The following FAT1 variants were observed in gnomAD, a reference collection of about 807,000 sequenced individuals.
The protein encoded by FAT1 is FAT atypical cadherin 1.
In FAT1, 171 loss-of-function variants were observed where a neutral mutation model predicts 329.8. That is an observed-to-expected ratio of 0.52 (90% confidence interval 0.46 to 0.59). The LOEUF (loss-of-function observed/expected upper bound fraction) is 0.59. Ranked by LOEUF, FAT1 falls within the 20% of genes least tolerant of loss-of-function variation. FAT1 has a pLI of 0.00. For missense variants in FAT1, 5,672 were observed against 5,774.4 expected, an observed-to-expected ratio of 0.98 and a Z score of 0.57; for synonymous variants, 2,233 against 2,228.6, an observed-to-expected ratio of 1.00 and a Z score of -0.06.
chr4:186,667,639 T>C (rs916842570), intron 2 of FAT1, among the ~76,000 whole-genome samples: 2 of 152,214 alleles, frequency 1.3e-5, no homozygotes, highest in African/African-American at 4.8e-5. Flanking sequence ...CCGAAGAATC[T>C]TATCTTCTAA....
At chr4:186,614,515 A>G (rs1455927981) in intron 11 of FAT1, among the ~76,000 whole-genome samples, 171 bp from the exon 12 acceptor site, 2 of 152,194 alleles carry the variant, frequency 1.3e-5, no homozygotes, top group African/African-American at 4.8e-5. Flanking sequence ...AACATAAAAC[A>G]CATGTGAAAC....
rs779161684 is a variant in FAT1 at position 186,600,194 on chromosome 4, G to A, written c.11807C>T (p.Thr3936Ile). 1.2e-6 allele frequency: 2 copies of A among 1,614,090 alleles called. No individual in the cohort carries two copies. The highest frequency in any genetic ancestry group is 2.2e-5 in the South Asian group (2 of 91,088). Residue 3936 changes from threonine to isoleucine, a missense_variant, in exon 22 of 27, where the codon ACA becomes ATA. Around this residue, in one of 2 missense-constraint regions of FAT1, gnomAD observed 1,706 missense variants for 1,859.1 expected, o/e 0.92. Coordinates refer to ENST00000441802, the MANE Select transcript of FAT1 (RefSeq NM_005245.4). Reference protein sequence around the residue: ...VLDQVHTASGTAPGTLKTLNL... With the variant: ...VLDQVHTASGIAPGTLKTLNL... The stretch of plus-strand genomic sequence containing the variant: ...CAGGGTTTTCAGAGTCCCTGGGGCT[G>A]TGCCCGATGCAGTATGAACTTGGTC...
At chr4:186,723,987 G>T (rs2276929), upstream of FAT1, 11,035 of 150,376 alleles carry the variant, frequency 0.073, 433 homozygotes, top group Admixed American at 0.11. Flanking sequence ...ACGCAGTCCC[G>T]CCCGGACCCA....
chr4:186,672,101 A>C (rs1441451397), intron 2 of FAT1, among the ~76,000 whole-genome samples: 1 of 152,234 alleles, frequency 6.6e-6, no homozygotes, highest in Non-Finnish European at 1.5e-5. Context: ...ATAAAACATA[A>C]GGAATATGTA....
chr4:186,620,301 C>A lies in FAT1; in HGVS notation c.6285G>T (p.Glu2095Asp), dbSNP rs371810659. The part of the protein sequence containing the change: ...PYYAVVKVDT[E>D]VGHVIRYVTA... ...TGACATAGCGAATGACATGGCCCAC[C>A]TCAGTGTCCACTTTAACAACGGCGT... The change falls in exon 10 of 27, where the codon GAG becomes GAT. Residue 2095 changes from glutamate to aspartate, a missense_variant. By Grantham distance (45) the Glu-to-Asp change is conservative. This residue lies in a region of FAT1 where 3,966 missense variants were observed against 3,915.2 expected (regional missense o/e 1.01). Transcript: ENST00000441802. 66 of 1,613,874 alleles carry A rather than the reference C, an allele frequency of 4.1e-5. No individual in the cohort carries two copies. Among genetic ancestry groups the A allele is most frequent in the Admixed American group, 1.0e-4 (6 of 60,002 alleles).
At chr4:186,590,091 A>T (rs757600016) in intron 26 of FAT1, among the ~76,000 whole-genome samples, 44 of 152,156 alleles carry the variant, frequency 2.9e-4, no homozygotes, top group Non-Finnish European at 6.3e-4. Flanking sequence ...AAGGACTGTG[A>T]TCCTTTTAGA....
chr4:186,699,276 A>C (rs999800149), intron 2 of FAT1, among the ~76,000 whole-genome samples: 2 of 152,148 alleles, frequency 1.3e-5, no homozygotes, highest in African/African-American at 2.4e-5. Context: ...TTAAAAAAAA[A>C]CAAAAAACCA....
chr4:186,707,269 G>C lies in FAT1; in HGVS notation c.2559C>G (p.Pro853=), dbSNP rs2126687120. 16 of 1,613,896 alleles carry C rather than the reference G, an allele frequency of 9.9e-6. No individual in the cohort carries two copies. The highest frequency in any genetic ancestry group is 1.4e-5 in the Non-Finnish European group (16 of 1,179,870). ...CAATTGAGTACGTCACGTGTCCGTT[G>C]GGCCCCAGGTCTTTATCTGTGGCTT... is the stretch of plus-strand genomic sequence containing the variant. ...QVEATDKDLG[P]NGHVTYSIVT... The change falls in exon 2 of 27, where the codon CCC becomes CCG. Residue 853 remains proline (P), a synonymous_variant. Coordinates refer to ENST00000441802, the MANE Select transcript of FAT1 (RefSeq NM_005245.4).
intron 16 of FAT1, 68 bp downstream of exon 16, chr4:186,609,115 A>G: frequency 6.4e-7 from 1 of 1,562,634 alleles, no homozygotes; most frequent in Admixed American, 1.8e-5. Flanking sequence ...AGCAGACAAG[A>G]GCACAAGGCA....
At chr4:186,678,537 A>T (rs1270023023) in intron 2 of FAT1, among the ~76,000 whole-genome samples, 1 of 148,918 alleles carries the variant, frequency 6.7e-6, no homozygotes, top group Non-Finnish European at 1.5e-5. Context: ...TATTTTATAC[A>T]TGTATAGCTA....
At chr4:186,626,788 G>C (rs1053381449) in intron 9 of FAT1, among the ~76,000 whole-genome samples, 6 of 108,648 alleles carry the variant, frequency 5.5e-5, no homozygotes, top group African/African-American at 1.7e-4. Context: ...CCAGCCCACA[G>C]AATGAATGAA....
chr4:186,635,684 T>C (rs1418222048), intron 6 of FAT1, among the ~76,000 whole-genome samples: 1 of 152,082 alleles, frequency 6.6e-6, no homozygotes, highest in Non-Finnish European at 1.5e-5. Flanking sequence ...AAAATAACAA[T>C]GTGCCATAGG....
At position 186,603,172 on chromosome 4, in the gene FAT1, G is replaced by T; in HGVS notation, c.11350+4C>A. 6.2e-7 allele frequency: 1 copy of T among 1,613,546 alleles called. No individual in the cohort carries two copies. The highest frequency in any genetic ancestry group is 1.3e-5 in the African/African-American group (1 of 75,036). ...ACCGACTTTCATACACTCATGTGCAGTACCTTTGCAGAGACACACCGCTGC... is the reference window on the plus strand; with the variant it reads ...ACCGACTTTCATACACTCATGTGCATTACCTTTGCAGAGACACACCGCTGC... On this transcript the variant is annotated splice_donor_region_variant and intron_variant, in intron 19 of 26. Coordinates refer to ENST00000441802, the MANE Select transcript of FAT1 (RefSeq NM_005245.4).
rs138797966 is a variant in FAT1 at position 186,628,247 on chromosome 4, C to G, written c.4717G>C (p.Glu1573Gln). 556 of 1,613,930 alleles carry G rather than the reference C, an allele frequency of 3.4e-4. 2 individuals are homozygous for G. The African/African-American group carries it at 6.0e-3, about 17-fold the overall frequency. ...TASSYKGRVY[E>Q]SAAVGSVVLQ... ...ACAACTGAGCCAACGGCTGCCGATTCATAAACCCGCCCTTTGTAGGAGGAA... is the reference window on the plus strand; with the variant it reads ...ACAACTGAGCCAACGGCTGCCGATTGATAAACCCGCCCTTTGTAGGAGGAA... Residue 1573 changes from glutamate (E) to glutamine (Q), a missense_variant, in exon 9 of 27, where the codon GAA becomes CAA. By Grantham distance (29) the Glu-to-Gln change is conservative (BLOSUM62 2). Coordinates refer to ENST00000441802, the MANE Select transcript of FAT1 (RefSeq NM_005245.4).
chr4:186,655,381 G>T lies in FAT1; in HGVS notation c.3580+7918C>A, dbSNP rs1021057513. 2.0e-5 allele frequency among the ~76,000 whole-genome samples: 3 copies of T among 151,774 alleles called. No individual in the cohort carries two copies. In the South Asian group the frequency reaches 6.3e-4, roughly 32 times the overall value. ...TGAAATGGACAGTGAAAGGTACATGGATATGCACATATATTCCTATAATAA... is the reference window on the plus strand; with the variant it reads ...TGAAATGGACAGTGAAAGGTACATGTATATGCACATATATTCCTATAATAA... On this transcript the variant is annotated intron_variant, in intron 3 of 26. Coordinates refer to ENST00000441802, the MANE Select transcript of FAT1 (RefSeq NM_005245.4).
At chr4:186,627,464 C>T (rs1019859631) in intron 9 of FAT1, among the ~76,000 whole-genome samples, 7 of 152,176 alleles carry the variant, frequency 4.6e-5, no homozygotes, top group Admixed American at 6.5e-5. Flanking sequence ...CCCTTGTTAT[C>T]CCGACTCTGG....
chr4:186,702,829 G>T (rs536291776), intron 2 of FAT1, among the ~76,000 whole-genome samples: 1 of 152,314 alleles, frequency 6.6e-6, no homozygotes, highest in African/African-American at 2.4e-5. Flanking sequence ...TGAAGTAGAA[G>T]AGGGGGTTGG....
chr4:186,611,707 A>G lies in FAT1; in HGVS notation c.9532T>C (p.Ser3178Pro), dbSNP rs1048577889. ...GGTTTTTCTAACTGAATAATTCCAG[A>G]TAATTCGTTAATGGAGAACTGCCCA... ...ADGQFSINEL[S>P]GIIQLEKPLD... The change falls in exon 14 of 27, where the codon TCT (serine) becomes CCT (proline). Residue 3178 changes from serine (S) to proline (P), a missense_variant. This residue lies in a region of FAT1 where 1,706 missense variants were observed against 1,859.1 expected (regional missense o/e 0.92). Coordinates refer to ENST00000441802, the MANE Select transcript of FAT1 (RefSeq NM_005245.4). The G allele has an allele frequency of 6.3e-7, 1 of 1,597,858 alleles. No individual in the cohort carries two copies. The highest frequency in any genetic ancestry group is 1.3e-5 in the African/African-American group (1 of 74,646).
At position 186,589,189 on chromosome 4, in the gene FAT1, T is replaced by G; in HGVS notation, c.13170A>C (p.Pro4390=). 6.2e-7 allele frequency: 1 copy of G among 1,613,352 alleles called. No homozygotes were observed. Among genetic ancestry groups the G allele is most frequent in the African/African-American group, 1.3e-5 (1 of 75,020 alleles). ...GYHWDTSDWM[P]SVPLPDIQEF... is the part of the protein sequence containing the mutation. ...CTTGTATGTCCGGCAGAGGAACGCTTGGCATCCAATCTGATGTATCCCAGT... is the reference window on the plus strand; with the variant it reads ...CTTGTATGTCCGGCAGAGGAACGCTGGGCATCCAATCTGATGTATCCCAGT... The change falls in exon 27 of 27, where the codon CCA becomes CCC. Residue 4390 remains proline (P), a synonymous_variant. Transcript: ENST00000441802.
Sources: allele counts gnomAD v4.1 joint callset (sites outside exome capture counted in the v4.1 genomes callset), GRCh38; gene constraint gnomAD v4.1.1; regional missense constraint gnomAD v4.1.1; transcripts MANE v1.5; gene names NCBI Gene and HGNC (gene_info 2026-07-23, HGNC 2026-07-21).